SLC8A1: variants seen among roughly 807,000 people sequenced by gnomAD.
The protein encoded by SLC8A1 is sodium/calcium exchanger 1.
SLC8A1 carries 18 observed loss-of-function variants against 68.3 expected under a neutral mutation model. The ratio of observed to expected loss-of-function variants is 0.26; its 90% CI spans 0.18 to 0.39. The LOEUF is 0.39. Ranked by LOEUF, SLC8A1 falls within the 10% of genes least tolerant of loss-of-function variation. The probability of loss-of-function intolerance (pLI) is 1.00; values close to 1 mark genes in which losing one functional copy is unlikely to be tolerated. For synonymous variants in SLC8A1, 475 were observed against 415.5 expected (o/e 1.14, Z -1.74); for missense variants, 985 against 1,156.7 (o/e 0.85, Z 2.15).
intron 2 of SLC8A1, among the ~76,000 whole-genome samples, chr2:40,413,290 G>C (rs1053271069): frequency 6.6e-6 from 1 of 152,132 alleles, no homozygotes; most frequent in South Asian, 2.1e-4. Context: ...CTGCTATAAA[G>C]ACACATGCAC....
At chr2:40,229,551 TTGCAAGACTC>T (rs1391740033) in intron 2 of SLC8A1, among the ~76,000 whole-genome samples, 1 of 152,182 alleles carries the variant, frequency 6.6e-6, no homozygotes, top group Admixed American at 6.5e-5. Flanking sequence ...TTGATATTGT[TTGCAAGACTC>T]TCCAATGGCA....
chr2:40,203,354 G>A (rs1281366103), intron 2 of SLC8A1, among the ~76,000 whole-genome samples: 1 of 152,000 alleles, frequency 6.6e-6, no homozygotes, highest in Non-Finnish European at 1.5e-5. Flanking sequence ...GAACTTTGTT[G>A]TGATATATTT....
intron 1 of SLC8A1, among the ~76,000 whole-genome samples, chr2:40,441,515 C>G (rs1172885049): frequency 1.3e-5 from 2 of 151,962 alleles, no homozygotes; most frequent in Non-Finnish European, 2.9e-5. Context: ...TCAAACTATA[C>G]TACTACAAGA....
chr2:40,265,411 C>G (rs907687590), intron 2 of SLC8A1, among the ~76,000 whole-genome samples: 1 of 151,982 alleles, frequency 6.6e-6, no homozygotes, highest in African/African-American at 2.4e-5. Flanking sequence ...CCTTCCACTT[C>G]GAAGAAAATG....
At chr2:40,105,038 G>T (rs746389629) in exon 8 of SLC8A1, 1 of 152,002 alleles carries the variant, frequency 6.6e-6, no homozygotes, top group Non-Finnish European at 1.5e-5. Flanking sequence ...CATCAATGAG[G>T]CATCTGCCAT....
intron 2 of SLC8A1, among the ~76,000 whole-genome samples, chr2:40,181,151 G>T (rs186004856): frequency 6.6e-6 from 1 of 152,072 alleles, no homozygotes; most frequent in African/African-American, 2.4e-5. Context: ...GTAGAGACAG[G>T]GTTTCACCAT....
chr2:40,405,992 T>C (rs1690206099), intron 2 of SLC8A1, among the ~76,000 whole-genome samples: 1 of 152,212 alleles, frequency 6.6e-6, no homozygotes, highest in Admixed American at 6.5e-5. Flanking sequence ...TCATTTTATG[T>C]AATATGTCTT....
chr2:40,119,423 C>T (rs544532813), intron 7 of SLC8A1, among the ~76,000 whole-genome samples: 2 of 152,252 alleles, frequency 1.3e-5, no homozygotes, highest in African/African-American at 4.8e-5. Flanking sequence ...AAATGAAGTG[C>T]GATGGATTCT....
At chr2:40,176,538 A>G (rs968531756) in intron 3 of SLC8A1, among the ~76,000 whole-genome samples, 3 of 152,142 alleles carry the variant, frequency 2.0e-5, no homozygotes, top group African/African-American at 7.2e-5. Flanking sequence ...CTTCATTAAA[A>G]TAGGCCTTGA....
intron 2 of SLC8A1, among the ~76,000 whole-genome samples, chr2:40,407,598 G>A (rs769893146): frequency 6.6e-6 from 1 of 152,106 alleles, no homozygotes; most frequent in Non-Finnish European, 1.5e-5. Context: ...TGTCCTGAAA[G>A]AATATCACAG....
intron 2 of SLC8A1, among the ~76,000 whole-genome samples, chr2:40,228,051 C>T (rs2059203241): frequency 6.6e-6 from 1 of 152,124 alleles, no homozygotes; most frequent in South Asian, 2.1e-4. Flanking sequence ...TTACTTTTCT[C>T]TTTTCTAATG....
chr2:40,125,391 C>A (rs1478088804), intron 7 of SLC8A1, among the ~76,000 whole-genome samples: 3 of 152,106 alleles, frequency 2.0e-5, no homozygotes, highest in Non-Finnish European at 4.4e-5. Flanking sequence ...CAATATGGAA[C>A]AAGAATCGTA....
intron 2 of SLC8A1, among the ~76,000 whole-genome samples, chr2:40,369,126 G>C (rs776089843): frequency 1.4e-4 from 21 of 152,028 alleles, no homozygotes; most frequent in Non-Finnish European, 2.4e-4. Context: ...ACACAGGCTG[G>C]GGCAAAGATA....
At chr2:40,218,872 A>C (rs1196679492) in intron 2 of SLC8A1, among the ~76,000 whole-genome samples, 1 of 152,208 alleles carries the variant, frequency 6.6e-6, no homozygotes, top group Non-Finnish European at 1.5e-5. Flanking sequence ...CCCGAGGCTA[A>C]TAGCACAGTG....
In SLC8A1 at chr2:40,215,026, C is replaced by A. The variant is rs1287944416; in HGVS notation, c.1809-37171G>T. 2.0e-5 allele frequency among the ~76,000 whole-genome samples: 3 copies of A among 152,018 alleles called. No individual in the cohort carries two copies. The East Asian group carries it at 5.8e-4, about 29-fold the overall frequency. On this transcript the variant is annotated intron_variant, in intron 2 of 7. Coordinates refer to ENST00000406785, the Ensembl canonical transcript of SLC8A1. ...GGAACACTGTAAAGTCAAACAGAAC[C>A]TTATGAGTTTTATATTTGCTAGTTC... is the stretch of plus-strand genomic sequence containing the variant.
Position 40,188,344 on chromosome 2 carries a change from A to T in SLC8A1, c.1809-10489T>A, listed in dbSNP as rs148387329. On this transcript the variant is annotated intron_variant, in intron 2 of 7. Coordinates refer to ENST00000406785, the Ensembl canonical transcript of SLC8A1. ...TTTAAAATGATTTGTGGCAAAGAGC[A>T]TCTTTTCTAGAAATGAAACACATCA... is the stretch of plus-strand genomic sequence containing the variant. Among the ~76,000 whole-genome samples the T allele has an allele frequency of 8.7e-4, 133 of 152,368 alleles. 1 individual carries two copies. The highest frequency in any genetic ancestry group is 3.1e-3 in the African/African-American group (127 of 41,586).
chr2:40,469,630 C>A (rs1165732326), intron 1 of SLC8A1, among the ~76,000 whole-genome samples: 1 of 151,960 alleles, frequency 6.6e-6, no homozygotes, highest in African/African-American at 2.4e-5. Context: ...TTGAGGAAAT[C>A]AAGTTTTTGT....
At chr2:40,447,602 A>G (rs1200026282) in intron 1 of SLC8A1, among the ~76,000 whole-genome samples, 1 of 152,000 alleles carries the variant, frequency 6.6e-6, no homozygotes, top group East Asian at 1.9e-4. Context: ...AAAAAAAAAA[A>G]AAAAAAGAAA....
intron 7 of SLC8A1, among the ~76,000 whole-genome samples, chr2:40,134,676 C>T (rs554978807): frequency 2.0e-4 from 30 of 152,208 alleles, no homozygotes; most frequent in African/African-American, 6.3e-4. Context: ...TCTTAACTGT[C>T]GCTAGAAGTT....
Sources: gnomAD v4.1 joint callset for allele counts (sites outside exome capture counted in the v4.1 genomes callset) on GRCh38, gnomAD v4.1.1 for gene constraint, MANE v1.5 for transcripts, NCBI Gene and HGNC (gene_info 2026-07-23, HGNC 2026-07-21) for gene names.